The following ADAMTSL1 variants were observed in gnomAD, a reference collection of about 807,000 sequenced individuals.
ADAMTSL1 encodes ADAMTS-like protein 1.
Under a neutral mutation model 201.8 loss-of-function variants are expected in ADAMTSL1, and 126 were observed. That is an observed-to-expected ratio of 0.62 (90% CI 0.54 to 0.72). ADAMTSL1 has a LOEUF of 0.72. Ranked by LOEUF, ADAMTSL1 falls within the 30% of genes least tolerant of loss-of-function variation. The probability of loss-of-function intolerance (pLI) is 0.00; values close to 1 mark genes in which losing one functional copy is unlikely to be tolerated. For missense variants in ADAMTSL1, 2,679 were observed against 2,277.8 expected (o/e 1.18, Z -3.59); for synonymous variants, 1,121 against 903.4 (o/e 1.24, Z -4.32).
chr9:18,808,834 C>T (rs1390457727), intron 20 of ADAMTSL1, among the ~76,000 whole-genome samples: 1 of 152,216 alleles, frequency 6.6e-6, no homozygotes, highest in Non-Finnish European at 1.5e-5. Flanking sequence ...TCCAGTTCAG[C>T]CCTATAACTT....
chr9:18,710,454 A>G (rs2133351680), intron 14 of ADAMTSL1, among the ~76,000 whole-genome samples: 1 of 152,238 alleles, frequency 6.6e-6, no homozygotes, highest in Admixed American at 6.5e-5. Context: ...GTTTTAGAAT[A>G]CTTCAGATTA....
intron 2 of ADAMTSL1, among the ~76,000 whole-genome samples, chr9:18,285,532 C>T (rs1832959195): frequency 6.6e-6 from 1 of 151,980 alleles, no homozygotes; most frequent in Non-Finnish European, 1.5e-5. Context: ...CAATTATTAG[C>T]TATTTATACT....
chr9:18,809,310 G>C (rs1018787469), intron 20 of ADAMTSL1, among the ~76,000 whole-genome samples: 3 of 152,212 alleles, frequency 2.0e-5, no homozygotes, highest in Non-Finnish European at 4.4e-5. Context: ...GACCGGAAGA[G>C]AGCCGTGCAG....
At chr9:18,190,722 G>A (rs1032059383) in intron 2 of ADAMTSL1, among the ~76,000 whole-genome samples, 4 of 152,136 alleles carry the variant, frequency 2.6e-5, no homozygotes, top group African/African-American at 9.7e-5. Flanking sequence ...TAATTTTTAA[G>A]TATTAAGCTT....
chr9:18,840,139 G>A (rs1433696374), intron 23 of ADAMTSL1, among the ~76,000 whole-genome samples: 1 of 148,236 alleles, frequency 6.7e-6, no homozygotes, highest in East Asian at 2.0e-4. Flanking sequence ...GTAATGCCTA[G>A]GTTTTCTTCT....
intron 1 of ADAMTSL1, among the ~76,000 whole-genome samples, chr9:18,109,752 C>A: frequency 6.6e-6 from 1 of 152,170 alleles, no homozygotes; most frequent in East Asian, 1.9e-4. Context: ...CCCTTGAATT[C>A]TTAGCTGTCA....
intron 1 of ADAMTSL1, among the ~76,000 whole-genome samples, chr9:18,111,579 A>G (rs1825011424): frequency 6.6e-6 from 1 of 152,212 alleles, no homozygotes; most frequent in Non-Finnish European, 1.5e-5. Context: ...ATAAATATTT[A>G]CCTCTAAAAT....
chr9:18,692,489 C>G (rs1831293705), intron 13 of ADAMTSL1, among the ~76,000 whole-genome samples: 1 of 152,084 alleles, frequency 6.6e-6, no homozygotes, highest in Non-Finnish European at 1.5e-5. Context: ...TAGCAGAGCC[C>G]TAGAGAGTGA....
chr9:18,189,035 A>G (rs1828860210), intron 2 of ADAMTSL1, among the ~76,000 whole-genome samples: 1 of 152,182 alleles, frequency 6.6e-6, no homozygotes, highest in Admixed American at 6.6e-5. Flanking sequence ...TGGCTGAGCA[A>G]TGCTTGGATG....
chr9:18,876,912 T>G (rs1489170929), intron 23 of ADAMTSL1, among the ~76,000 whole-genome samples: 3 of 152,244 alleles, frequency 2.0e-5, no homozygotes, highest in Non-Finnish European at 4.4e-5. Flanking sequence ...TCTTTTAACA[T>G]AATGCCAAAC....
intron 1 of ADAMTSL1, among the ~76,000 whole-genome samples, chr9:17,930,541 G>T (rs1051398028): frequency 2.6e-5 from 4 of 152,070 alleles, no homozygotes; most frequent in Non-Finnish European, 5.9e-5. Context: ...CACACAAACT[G>T]GTCTCTGGCA....
intron 2 of ADAMTSL1, among the ~76,000 whole-genome samples, chr9:18,298,794 C>T (rs1394458720): frequency 3.3e-5 from 5 of 151,724 alleles, no homozygotes; most frequent in African/African-American, 1.2e-4. Flanking sequence ...GAGGCCGCAG[C>T]GGGCGGATCA....
intron 23 of ADAMTSL1, among the ~76,000 whole-genome samples, chr9:18,866,017 T>G (rs1827512350): frequency 6.6e-6 from 1 of 150,996 alleles, no homozygotes; most frequent in Admixed American, 6.6e-5. Context: ...TGGGAATGGT[T>G]TATTATTTGG....
chr9:18,481,504 T>C (rs1329926576), intron 1 of ADAMTSL1, among the ~76,000 whole-genome samples: 1 of 152,022 alleles, frequency 6.6e-6, no homozygotes, highest in Non-Finnish European at 1.5e-5. Flanking sequence ...GTCAAGAGTT[T>C]TTTTTTTTTT....
intron 1 of ADAMTSL1, among the ~76,000 whole-genome samples, chr9:17,928,207 C>G (rs1015752214): frequency 5.9e-5 from 9 of 152,044 alleles, no homozygotes; most frequent in African/African-American, 1.9e-4. Context: ...CCATGTTGCT[C>G]AGGCTGGTCT....
chr9:18,362,543 G>C (rs146292070), intron 2 of ADAMTSL1, among the ~76,000 whole-genome samples: 2 of 152,152 alleles, frequency 1.3e-5, no homozygotes, highest in Admixed American at 1.3e-4. Context: ...TTCTTAAGGA[G>C]CTGGCATTTT....
At chr9:17,967,519 C>G (rs1818024445) in intron 1 of ADAMTSL1, among the ~76,000 whole-genome samples, 1 of 152,050 alleles carries the variant, frequency 6.6e-6, no homozygotes, top group Non-Finnish European at 1.5e-5. Context: ...ACACACAACT[C>G]TCAAAGCAGT....
In ADAMTSL1 at chr9:18,039,567, G is replaced by T. The variant is rs539932056; in HGVS notation, c.88-124295G>T. 3.9e-5 allele frequency among the ~76,000 whole-genome samples: 6 copies of T among 152,166 alleles called. No homozygotes were observed. The South Asian group carries it at 1.0e-3, about 26-fold the overall frequency. ...TCTACGGAACAAACATTTTTCACAA[G>T]GAGCTTTTCTTCTCACAATGCATTG... is the stretch of plus-strand genomic sequence containing the variant. On this transcript the variant is annotated intron_variant, in intron 1 of 29. Coordinates refer to the ADAMTSL1 transcript ENST00000680146.
At chr9:17,953,322 T>C (rs1306277145) in intron 1 of ADAMTSL1, among the ~76,000 whole-genome samples, 2 of 152,210 alleles carry the variant, frequency 1.3e-5, no homozygotes, top group Non-Finnish European at 2.9e-5. Flanking sequence ...TTTCACACTC[T>C]ATTGGCAGAA....
Sources: allele counts gnomAD v4.1 joint callset (sites outside exome capture counted in the v4.1 genomes callset), GRCh38; gene constraint gnomAD v4.1.1; transcripts MANE v1.5; gene names NCBI Gene and HGNC (gene_info 2026-07-23, HGNC 2026-07-21).